ZNF433: variants seen among roughly 807,000 people sequenced by gnomAD.
The protein encoded by ZNF433 is zinc finger protein 433.
Under a neutral mutation model 10.6 loss-of-function variants are expected in ZNF433, and 12 were observed. That is an observed-to-expected ratio of 1.13 (90% CI 0.72 to 1.83). ZNF433 has a LOEUF of 1.83. ZNF433 is among the 40% of genes most tolerant of loss of function. ZNF433 has a pLI of 0.00. For synonymous variants in ZNF433, 272 were observed against 271.3 expected (o/e 1.00, Z -0.02); for missense variants, 737 against 798.0 (o/e 0.92, Z 0.92).
rs557199658 is a variant in ZNF433 at position 12,027,412 on chromosome 19, T to C, written c.3+8125A>G. Among the ~76,000 whole-genome samples the C allele has an allele frequency of 2.6e-5, 4 of 152,342 alleles. No individual in the cohort carries two copies. The South Asian group carries it at 8.3e-4, about 32-fold the overall frequency. On this transcript the variant is annotated intron_variant, in intron 1 of 3. Coordinates refer to ENST00000550507, the MANE Select transcript of ZNF433 (RefSeq NM_001308348.2). ...TCTCTGCAGCACTGTGACATGTTCA[T>C]GATGGCTATGATGCCCACACTGAAG...
At chr19:12,017,798 C>A in intron 3 of ZNF433, 78 bp downstream of exon 3, 1 of 765,078 alleles carries the variant, frequency 1.3e-6, no homozygotes, top group Admixed American at 3.2e-5. Flanking sequence ...CTTTTGTTTC[C>A]TTTTTTTTTT....
At chr19:12,032,413 T>C (rs906309387) in intron 1 of ZNF433, among the ~76,000 whole-genome samples, 10 of 151,794 alleles carry the variant, frequency 6.6e-5, no homozygotes, top group Admixed American at 5.9e-4. Flanking sequence ...AGGATACACC[T>C]GAGAAATGTA....
intron 1 of ZNF433, chr19:12,021,906 A>C (rs966608527): frequency 2.2e-6 from 1 of 454,450 alleles, no homozygotes. Flanking sequence ...TATTTCCCAG[A>C]CAGGGTACTA....
chr19:12,029,064 T>C (rs991630681), intron 1 of ZNF433, among the ~76,000 whole-genome samples: 2 of 152,216 alleles, frequency 1.3e-5, no homozygotes, highest in African/African-American at 2.4e-5. Context: ...AATGTAAAGA[T>C]GTCATATGTC....
chr19:12,032,592 T>C (rs1975089065), intron 1 of ZNF433, among the ~76,000 whole-genome samples: 1 of 152,042 alleles, frequency 6.6e-6, no homozygotes, highest in East Asian at 1.9e-4. Context: ...CAAGGGATTC[T>C]CGTGCCTCAG....
In ZNF433 at chr19:12,035,624, C is replaced by A. The variant is rs979347536; in HGVS notation, c.-85G>T. 4 of 1,525,140 alleles carry A rather than the reference C, an allele frequency of 2.6e-6. No individual in the cohort carries two copies. Among genetic ancestry groups the A allele is most frequent in the Admixed American group, 2.1e-5 (1 of 48,468 alleles). The allele number at this position is 1,525,140 out of a possible 1,614,324, so 94.5% of individuals were successfully genotyped here. ...TATGGCAGAGGCACCTGAACCCTCT[C>A]GGAGGGGAAAGCCAGGCTCCCAACC... On this transcript the variant is annotated 5_prime_UTR_variant, in exon 1 of 4. Transcript: ENST00000550507.
chr19:12,026,716 C>T, intron 1 of ZNF433: 1 of 454,128 alleles, frequency 2.2e-6, no homozygotes, highest in Non-Finnish European at 4.4e-6. Context: ...GGGAAGATTG[C>T]ATTGCAGAAC....
rs771717116 is a variant in ZNF433 at position 12,016,325 on chromosome 19, G to A, written c.533C>T (p.Ser178Phe). 4.3e-6 allele frequency: 7 copies of A among 1,614,064 alleles called. 1 individual carries two copies. The South Asian group carries it at 7.7e-5, about 18-fold the overall frequency. The change falls in exon 4 of 4, where the codon TCC becomes TTC. Residue 178 changes from serine to phenylalanine, a missense_variant. Transcript: ENST00000550507. ...VCEECGKTFI[S>F]HSNLQRHRIM... ...CCTGTGTCTTTGAAGGTTTGAATGGGAAATAAATGTTTTTCCGCATTCCTC... is the reference window on the plus strand; with the variant it reads ...CCTGTGTCTTTGAAGGTTTGAATGGAAAATAAATGTTTTTCCGCATTCCTC...
intron 3 of ZNF433, among the ~76,000 whole-genome samples, chr19:12,017,581 G>T (rs1169685739): frequency 6.6e-6 from 1 of 151,888 alleles, no homozygotes; most frequent in African/African-American, 2.4e-5. Context: ...TTGGGTCAGG[G>T]TCTCACACTC....
intron 1 of ZNF433, chr19:12,023,890 G>GT (rs1169463193): frequency 6.6e-6 from 1 of 152,016 alleles, no homozygotes; most frequent in African/African-American, 2.4e-5. Context: ...ATGAAATGGG[G>GT]TATGTCCTAG....
Position 12,014,823 on chromosome 19 carries a change from C to T in ZNF433, c.*22G>A, listed in dbSNP as rs1974072429. ...TCCTGGGCTTAAGCAGTCCCCCCAC[C>T]TCAGCCTCCTAAAGCCTGGGGTTAT... is the stretch of plus-strand genomic sequence containing the variant. On this transcript the variant is annotated 3_prime_UTR_variant, in exon 4 of 4. Transcript: ENST00000550507. The T allele has an allele frequency of 6.6e-7, 1 of 1,509,804 alleles. No individual in the cohort carries two copies. Among genetic ancestry groups the T allele is most frequent in the Non-Finnish European group, 8.9e-7 (1 of 1,127,488 alleles). The allele number at this position is 1,509,804 out of a possible 1,614,324, so 93.5% of individuals were successfully genotyped here. A position where few individuals can be genotyped will look rare whatever the true frequency, so the allele number is the denominator to read the frequency against.
intron 1 of ZNF433, chr19:12,022,035 T>A (rs1253085123): frequency 2.2e-6 from 1 of 455,138 alleles, no homozygotes; most frequent in East Asian, 7.0e-5. Flanking sequence ...AATCTGGCCA[T>A]AAACTGGCTC....
At chr19:12,022,029 T>A (rs912958329) in intron 1 of ZNF433, 1 of 455,432 alleles carries the variant, frequency 2.2e-6, no homozygotes, top group Non-Finnish European at 4.4e-6. Context: ...CCCCCAAATC[T>A]GGCCATAAAC....
At position 12,014,925 on chromosome 19, in the gene ZNF433, A is replaced by G. The variant is rs772280824; in HGVS notation, c.1933T>C (p.Cys645Arg). 6.2e-7 allele frequency: 1 copy of G among 1,613,886 alleles called. No individual in the cohort carries two copies. Among genetic ancestry groups the G allele is most frequent in the Non-Finnish European group, 8.5e-7 (1 of 1,179,972 alleles). The change falls in exon 4 of 4, where the codon TGT (cysteine) becomes CGT (arginine). Residue 645 changes from cysteine (C) to arginine (R), a missense_variant. Transcript: ENST00000550507. ...RTHTGEKPYK[C>R]NQCGKVFRCS... ...CTAAAGACTTTACCACATTGGTTAC[A>G]TTTATAGGGTTTCTCTCCAGTGTGA... is the stretch of plus-strand genomic sequence containing the variant.
chr19:12,035,139 CAGTTT>C (rs1975222930), intron 1 of ZNF433, among the ~76,000 whole-genome samples: 1 of 152,184 alleles, frequency 6.6e-6, no homozygotes, highest in Non-Finnish European at 1.5e-5. Flanking sequence ...TAACGTGTCT[CAGTTT>C]AATTTTTAAG....
chr19:12,030,955 A>G (rs776648545), intron 1 of ZNF433, among the ~76,000 whole-genome samples: 3 of 152,018 alleles, frequency 2.0e-5, no homozygotes, highest in Non-Finnish European at 2.9e-5. Context: ...AAACACCTGT[A>G]GTTCTAGCTA....
chr19:12,016,677 TAAG>T lies in ZNF433; in HGVS notation c.192-14_192-12del, dbSNP rs1568330766. On this transcript the variant is annotated splice_polypyrimidine_tract_variant and intron_variant, in intron 3 of 3. Transcript: ENST00000550507. ...CTCTCTCCCACAATTCTGTGAACAA[TAAG>T]AAGTACATTATAATGGGTTTGATTA... The T allele has an allele frequency of 2.5e-6, 4 of 1,610,706 alleles. No homozygotes were observed. The highest frequency in any genetic ancestry group is 2.2e-5 in the South Asian group (2 of 90,482).
chr19:12,019,408 ACT>A (rs1261197392), intron 1 of ZNF433, among the ~76,000 whole-genome samples: 9 of 152,102 alleles, frequency 5.9e-5, no homozygotes, highest in Non-Finnish European at 1.0e-4. Context: ...CAACAGCAAG[ACT>A]CCATCACAAA....
At chr19:12,021,317 CTCT>C (rs1489594205) in intron 1 of ZNF433, among the ~76,000 whole-genome samples, 4 of 152,136 alleles carry the variant, frequency 2.6e-5, no homozygotes, top group East Asian at 1.9e-4. Context: ...TCTCACAGCC[CTCT>C]TCTTGTCTAG....
Sources: gnomAD v4.1 joint callset for allele counts (sites outside exome capture counted in the v4.1 genomes callset) on GRCh38, gnomAD v4.1.1 for gene constraint, MANE v1.5 for transcripts, NCBI Gene and HGNC (gene_info 2026-07-23, HGNC 2026-07-21) for gene names.